Variants in NUP205 observed in about 807,000 individuals in gnomAD.
NUP205 encodes the protein nuclear pore complex protein Nup205.
Under a neutral mutation model 253.8 loss-of-function variants are expected in NUP205, and 76 were observed. The observed-to-expected ratio is 0.30, with a 90% CI of 0.25 to 0.36. The LOEUF is 0.36. Among genes scored for constraint, NUP205 ranks in the 10% least tolerant of loss-of-function variants. The pLI, the probability that NUP205 is intolerant of heterozygous loss-of-function variation, is 1.00. For synonymous variants in NUP205, 832 were observed against 850.1 expected (o/e 0.98, Z 0.37); for missense variants, 2,162 against 2,425.5 (o/e 0.89, Z 2.28).
Position 135,594,527 on chromosome 7 carries a change from C to T in NUP205, c.1831-20C>T. 1 of 1,558,150 alleles carries T rather than the reference C, an allele frequency of 6.4e-7. No individual in the cohort carries two copies. Among genetic ancestry groups the T allele is most frequent in the Non-Finnish European group, 8.7e-7 (1 of 1,152,862 alleles). On this transcript the variant is annotated intron_variant, in intron 12 of 42. Coordinates refer to ENST00000285968, the MANE Select transcript of NUP205 (RefSeq NM_015135.3). ...ACTTTTAAAAATGGAAAGTCTCATT[C>T]TTTTTGTGTCAATTCTTAGAGTGAA...
chr7:135,604,903 A>G (rs1344615667), intron 19 of NUP205, among the ~76,000 whole-genome samples: 1 of 151,816 alleles, frequency 6.6e-6, no homozygotes, highest in African/African-American at 2.4e-5. Flanking sequence ...GACACTGTAG[A>G]GTGTTTTTAG....
intron 14 of NUP205, chr7:135,597,766 TC>T (rs1793876842): frequency 4.0e-6 from 2 of 494,054 alleles, no homozygotes; most frequent in Non-Finnish European, 7.1e-6. Flanking sequence ...ATTAAAGATT[TC>T]TGTTTTAAAT....
rs1794095452 is a variant in NUP205, at chr7:135,606,816, C to T, written c.2971C>T (p.Leu991Phe). ...AACAAGAATCCACATCTTGAATCTTCTCATTACCTCTCTGGAATGCAATCC... is the reference window on the plus strand; with the variant it reads ...AACAAGAATCCACATCTTGAATCTTTTCATTACCTCTCTGGAATGCAATCC... Reference protein sequence around the residue: ...HETRIHILNLLITSLECNPPN... With the variant: ...HETRIHILNLFITSLECNPPN... Residue 991 changes from leucine to phenylalanine, a missense_variant, in exon 21 of 43, where the codon CTC becomes TTC. Coordinates refer to ENST00000285968, the MANE Select transcript of NUP205 (RefSeq NM_015135.3). 1.2e-6 allele frequency: 2 copies of T among 1,613,632 alleles called. No individual in the cohort carries two copies. Among genetic ancestry groups the T allele is most frequent in the African/African-American group, 2.7e-5 (2 of 74,910 alleles).
intron 7 of NUP205, among the ~76,000 whole-genome samples, chr7:135,583,133 C>T (rs1003543985): frequency 6.6e-6 from 1 of 151,930 alleles, no homozygotes; most frequent in Non-Finnish European, 1.5e-5. Context: ...TACTACAAAT[C>T]ATATGTTTTC....
At position 135,625,319 on chromosome 7, in the gene NUP205, C is replaced by T. The variant is rs769484135; in HGVS notation, c.4635C>T (p.Pro1545=). ...AGAGCTTACTCACCCCACAGCCTCC[C>T]CTTTTAAAAGCACTTTATACTTATG... ...TLQSLLTPQP[P]LLKALYTYES... The change falls in exon 32 of 43, where the codon CCC becomes CCT. Residue 1545 remains proline, a synonymous_variant. Transcript: ENST00000285968. 2.2e-5 allele frequency: 36 copies of T among 1,611,132 alleles called. No individual in the cohort carries two copies. The South Asian group carries it at 3.7e-4, about 17-fold the overall frequency.
chr7:135,603,796 C>G (rs902372307), intron 18 of NUP205, among the ~76,000 whole-genome samples: 3 of 152,136 alleles, frequency 2.0e-5, no homozygotes, highest in African/African-American at 7.2e-5. Context: ...AGGTGTGAGC[C>G]GCTGTGCCCA....
chr7:135,562,321 C>G (rs1178956344), intron 1 of NUP205, among the ~76,000 whole-genome samples: 4 of 151,604 alleles, frequency 2.6e-5, no homozygotes, highest in Non-Finnish European at 5.9e-5. Context: ...CTTAGCCTCC[C>G]TAAGTAGCTG....
intron 34 of NUP205, 87 bp from the exon 35 acceptor site, chr7:135,630,257 C>T: frequency 9.8e-7 from 1 of 1,015,292 alleles, no homozygotes; most frequent in Non-Finnish European, 1.3e-6. Context: ...CTTCCTTCAA[C>T]ATTATTTATA....
At chr7:135,624,739 C>T (rs1407754538) in intron 31 of NUP205, among the ~76,000 whole-genome samples, 1 of 152,174 alleles carries the variant, frequency 6.6e-6, no homozygotes, top group African/African-American at 2.4e-5. Flanking sequence ...GCCTCTGCCT[C>T]CCTAAGTGTT....
chr7:135,565,552 C>T (rs1025519519), intron 1 of NUP205, among the ~76,000 whole-genome samples: 3 of 151,948 alleles, frequency 2.0e-5, no homozygotes, highest in Non-Finnish European at 4.4e-5. Flanking sequence ...CCTGCCTCAG[C>T]CTCCCGAGTA....
intron 9 of NUP205, 45 bp from the exon 10 acceptor site, chr7:135,587,810 T>A: frequency 6.4e-7 from 1 of 1,557,686 alleles, no homozygotes; most frequent in South Asian, 1.2e-5. Context: ...AAAGTAATTT[T>A]TCAGTCATAG....
intron 23 of NUP205, among the ~76,000 whole-genome samples, chr7:135,615,523 G>A (rs1340835887): frequency 6.6e-6 from 1 of 152,116 alleles, no homozygotes; most frequent in Non-Finnish European, 1.5e-5. Context: ...TTTTTCTTAT[G>A]TATTTGTTTT....
rs757656827 is a variant in NUP205, at chr7:135,618,450, T to C, written c.3810T>C (p.Asn1270=). The change falls in exon 28 of 43, where the codon AAT becomes AAC. Residue 1270 remains asparagine, a synonymous_variant. Coordinates refer to ENST00000285968, the MANE Select transcript of NUP205 (RefSeq NM_015135.3). ...STVLQYVVGR[N]KLLQCLHAKR... Reference sequence around the variant, plus strand: ...TACTTCAGTATGTGGTAGGAAGAAATAAATTGCTGCAGTGTCTTCATGCAA... The same window carrying C: ...TACTTCAGTATGTGGTAGGAAGAAACAAATTGCTGCAGTGTCTTCATGCAA... 1 of 1,614,088 alleles carries C rather than the reference T, an allele frequency of 6.2e-7. No individual in the cohort carries two copies. The highest frequency in any genetic ancestry group is 1.1e-5 in the South Asian group (1 of 91,080).
At chr7:135,597,301 T>C in intron 13 of NUP205, 67 bp from the exon 14 acceptor site, 1 of 1,170,620 alleles carries the variant, frequency 8.5e-7, no homozygotes, top group Non-Finnish European at 1.3e-6. Flanking sequence ...ACTATTATAT[T>C]GCAAAGCCAC....
chr7:135,617,170 G>T lies in NUP205; in HGVS notation c.3613G>T (p.Asp1205Tyr). ...TGAGCCTTTGCAGTTGGATTTTTTT[G>T]ATCGGGCCCAGATTGAACAAGTTAT... is the stretch of plus-strand genomic sequence containing the variant. ...IPEPLQLDFF[D>Y]RAQIEQVIAN... Residue 1205 changes from aspartate (D) to tyrosine (Y), a missense_variant, in exon 26 of 43, where the codon GAT becomes TAT. Asp to Tyr is a radical substitution (Grantham distance 160). Around this residue, in one of 5 missense-constraint regions of NUP205, gnomAD observed 1,144 missense variants for 1,280.9 expected, o/e 0.89. Transcript: ENST00000285968. The T allele has an allele frequency of 6.2e-7, 1 of 1,613,726 alleles. No homozygotes were observed. Among genetic ancestry groups the T allele is most frequent in the Non-Finnish European group, 8.5e-7 (1 of 1,179,800 alleles).
intron 1 of NUP205, among the ~76,000 whole-genome samples, chr7:135,563,226 A>C (rs928774880): frequency 2.0e-5 from 3 of 151,818 alleles, no homozygotes; most frequent in African/African-American, 4.8e-5. Flanking sequence ...CTTACTCTGT[A>C]GCCCAGGCTG....
At chr7:135,561,987 G>A (rs958919317) in intron 1 of NUP205, among the ~76,000 whole-genome samples, 1 of 150,658 alleles carries the variant, frequency 6.6e-6, no homozygotes, top group Non-Finnish European at 1.5e-5. Context: ...GTGCAGTCTC[G>A]GCTCACTGCA....
At chr7:135,622,990 A>T (rs778416480) in intron 31 of NUP205, 65 bp downstream of exon 31, 6 of 1,525,080 alleles carry the variant, frequency 3.9e-6, no homozygotes, top group Non-Finnish European at 4.5e-6. Context: ...GTATAAACTG[A>T]TTCACGGCTG....
At chr7:135,605,508 A>G (rs776709545) in intron 19 of NUP205, among the ~76,000 whole-genome samples, 3 of 152,118 alleles carry the variant, frequency 2.0e-5, no homozygotes, top group Non-Finnish European at 4.4e-5. Flanking sequence ...GACTCCACTT[A>G]TTTCTAAGTT....
Sources: gnomAD v4.1 joint callset for allele counts (sites outside exome capture counted in the v4.1 genomes callset) on GRCh38, gnomAD v4.1.1 for gene constraint, gnomAD v4.1.1 regional missense constraint, MANE v1.5 for transcripts, NCBI Gene and HGNC (gene_info 2026-07-23, HGNC 2026-07-21) for gene names.